The following SLC38A2 variants were observed in gnomAD, a reference collection of about 807,000 sequenced individuals.
SLC38A2 encodes the protein sodium-coupled neutral amino acid symporter 2.
A neutral mutation model predicts 61.5 loss-of-function variants in SLC38A2; 11 were observed. The ratio of observed to expected loss-of-function variants is 0.18; its 90% CI spans 0.11 to 0.30. SLC38A2 has a LOEUF of 0.30. SLC38A2 is among the 10% of genes least tolerant of loss of function. The pLI, the probability that SLC38A2 is intolerant of heterozygous loss-of-function variation, is 1.00. For synonymous variants in SLC38A2, 217 were observed against 212.5 expected (o/e 1.02, Z -0.18); for missense variants, 522 against 600.4 (o/e 0.87, Z 1.36).
rs1490338850 is a variant in SLC38A2, at chr12:46,366,880, T to C, written c.547A>G (p.Ile183Val). The change falls in exon 7 of 16, where the codon ATT becomes GTT. Residue 183 changes from isoleucine (I) to valine (V), a missense_variant. By Grantham distance (29) the Ile-to-Val change is conservative (BLOSUM62 3). This residue lies in a region of SLC38A2 where 111 missense variants were observed against 173.4 expected (regional missense o/e 0.64). Transcript: ENST00000256689. ...AGCACCTACCCAGTTTTATCTTCAA[T>C]GTTCGTTAATGCCTGGATCACCAAA... ...LPLVIQALTN[I>V]EDKTGLWYLN... is the part of the protein sequence containing the mutation. 4 of 1,613,308 alleles carry C rather than the reference T, an allele frequency of 2.5e-6. No individual in the cohort carries two copies. Among genetic ancestry groups the C allele is most frequent in the East Asian group, 2.2e-5 (1 of 44,892 alleles).
chr12:46,366,878 A>G lies in SLC38A2; in HGVS notation c.549T>C (p.Ile183=). The G allele has an allele frequency of 6.2e-7, 1 of 1,613,304 alleles. No individual in the cohort carries two copies. Among genetic ancestry groups the G allele is most frequent in the Non-Finnish European group, 8.5e-7 (1 of 1,179,758 alleles). ...TTAGCACCTACCCAGTTTTATCTTCAATGTTCGTTAATGCCTGGATCACCA... is the reference window on the plus strand; with the variant it reads ...TTAGCACCTACCCAGTTTTATCTTCGATGTTCGTTAATGCCTGGATCACCA... ...LPLVIQALTN[I]EDKTGLWYLN... The change falls in exon 7 of 16, where the codon ATT becomes ATC. Residue 183 remains isoleucine, a synonymous_variant. Coordinates refer to ENST00000256689, the MANE Select transcript of SLC38A2 (RefSeq NM_018976.5).
rs79083614 is a variant in SLC38A2 at position 46,364,946 on chromosome 12, A to C, written c.646+161T>G. On this transcript the variant is annotated intron_variant, in intron 8 of 15. Coordinates refer to ENST00000256689, the MANE Select transcript of SLC38A2 (RefSeq NM_018976.5). ...CTTACAAAGCACAACATATAGTGTC[A>C]ATTAAATATTTTGGCTCCTAAATTT... is the stretch of plus-strand genomic sequence containing the variant. The C allele has an allele frequency of 3.8e-3, 2,780 of 730,958 alleles. 7 individuals are homozygous for C. The highest frequency in any genetic ancestry group is 5.4e-3 in the Non-Finnish European group (2,363 of 435,328). The allele number at this position is 730,958 out of a possible 1,614,324, so 45.3% of individuals were successfully genotyped here.
At chr12:46,364,083 AAACAATCT>A (rs2120537499) in intron 10 of SLC38A2, 80 bp from the exon 11 acceptor site, 2 of 1,238,898 alleles carry the variant, frequency 1.6e-6, no homozygotes, top group South Asian at 3.0e-5. Flanking sequence ...TATTTTATGT[AAACAATCT>A]TAGAATCAAA....
At chr12:46,365,233 CTGA>C in intron 7 of SLC38A2, 44 bp from the exon 8 acceptor site, 1 of 1,466,606 alleles carries the variant, frequency 6.8e-7, no homozygotes, top group Non-Finnish European at 9.6e-7. Flanking sequence ...CAAATATCCT[CTGA>C]AAAATATACA....
chr12:46,367,538 T>C, intron 4 of SLC38A2, 198 bp from the exon 5 acceptor site: 1 of 598,830 alleles, frequency 1.7e-6, no homozygotes, highest in Non-Finnish European at 3.0e-6. Flanking sequence ...ACTTGCATCA[T>C]TTCTCAGGTG....
rs756220938 is a variant in SLC38A2 at position 46,366,907 on chromosome 12, G to A, written c.520C>T (p.Pro174Ser). Residue 174 changes from proline to serine, a missense_variant, in exon 7 of 16, where the codon CCT becomes TCT. Coordinates refer to ENST00000256689, the MANE Select transcript of SLC38A2 (RefSeq NM_018976.5). ...SYLFIVKYEL[P>S]LVIQALTNIE... is the part of the protein sequence containing the mutation. ...TTCGTTAATGCCTGGATCACCAAAG[G>A]CAACTCATATTTCACTATGAAGAGG... 8 of 1,613,878 alleles carry A rather than the reference G, an allele frequency of 5.0e-6. No homozygotes were observed. The highest frequency in any genetic ancestry group is 6.8e-6 in the Non-Finnish European group (8 of 1,179,950).
rs1366921892 is a variant in SLC38A2, at chr12:46,359,620, A to T, written c.*1491T>A. ...TATTAGATTTTAGACATTATGCCTGATGAGCGAAGTACCACATTATTTAAT... is the reference window on the plus strand; with the variant it reads ...TATTAGATTTTAGACATTATGCCTGTTGAGCGAAGTACCACATTATTTAAT... On this transcript the variant is annotated 3_prime_UTR_variant, in exon 16 of 16. Transcript: ENST00000256689. The T allele has an allele frequency of 6.6e-6, 1 of 152,564 alleles. No homozygotes were observed. The highest frequency in any genetic ancestry group is 1.5e-5 in the Non-Finnish European group (1 of 68,028). 9.5% of individuals were successfully genotyped at this position (152,564 alleles called of 1,614,324 possible). A position where few individuals can be genotyped will look rare whatever the true frequency, so the allele number is the denominator to read the frequency against.
chr12:46,367,585 AC>A (rs1565829268), intron 4 of SLC38A2, among the ~76,000 whole-genome samples: 1 of 152,178 alleles, frequency 6.6e-6, no homozygotes. Flanking sequence ...AAGGATGTCT[AC>A]CCACTGAGCC....
In SLC38A2 at chr12:46,363,081, GAGA is replaced by G. The variant is rs758997542; in HGVS notation, c.1116_1118del (p.Leu373del). ...CCATTAACACAGCCAGACGGACAATGAGAAGAAGAATATCAGTTCCCAAGATAG... is the reference window on the plus strand; with the variant it reads ...CCATTAACACAGCCAGACGGACAATGAGAAGAATATCAGTTCCCAAGATAG... On this transcript the variant is annotated inframe_deletion, in exon 13 of 16. Coordinates refer to ENST00000256689, the MANE Select transcript of SLC38A2 (RefSeq NM_018976.5). 2.7e-5 allele frequency: 43 copies of G among 1,613,032 alleles called. No individual in the cohort carries two copies. Among genetic ancestry groups the G allele is most frequent in the Admixed American group, 8.3e-5 (5 of 59,954 alleles).
chr12:46,363,073 C>T lies in SLC38A2; in HGVS notation c.1127G>A (p.Arg376His), dbSNP rs761856975. The change falls in exon 13 of 16, where the codon CGT (arginine) becomes CAT (histidine). Residue 376 changes from arginine (R) to histidine (H), a missense_variant. By Grantham distance (29) the Arg-to-His change is conservative. Coordinates refer to ENST00000256689, the MANE Select transcript of SLC38A2 (RefSeq NM_018976.5). The stretch of plus-strand genomic sequence containing the variant: ...GGTCACAGCCATTAACACAGCCAGA[C>T]GGACAATGAGAAGAAGAATATCAGT... ...LGTDILLLIVRLAVLMAVTLT... is the reference protein window; with the variant it reads ...LGTDILLLIVHLAVLMAVTLT... The T allele has an allele frequency of 4.3e-6, 7 of 1,612,990 alleles. No homozygotes were observed. The highest frequency in any genetic ancestry group is 5.9e-6 in the Non-Finnish European group (7 of 1,179,244).
In SLC38A2 at chr12:46,363,738, G is replaced by A. The variant is rs762508469; in HGVS notation, c.1042C>T (p.Leu348=). ...AGGCGTTACTTACCGTAAAATGTTAGGTATCCAAAGAGGGCGGCAAGCAGA... is the reference window on the plus strand; with the variant it reads ...AGGCGTTACTTACCGTAAAATGTTAAGTATCCAAAGAGGGCGGCAAGCAGA... ...MYLLAALFGY[L]TFYEHVESEL... Residue 348 remains leucine, a synonymous_variant, in exon 12 of 16, where the codon CTA becomes TTA. Transcript: ENST00000256689. 5.7e-6 allele frequency: 9 copies of A among 1,565,710 alleles called. No homozygotes were observed. Among genetic ancestry groups the A allele is most frequent in the Non-Finnish European group, 7.7e-6 (9 of 1,163,814 alleles).
chr12:46,371,062 T>C (rs1943191546), intron 2 of SLC38A2, 116 bp downstream of exon 2: 1 of 969,334 alleles, frequency 1.0e-6, no homozygotes, highest in Non-Finnish European at 1.7e-6. Flanking sequence ...TTTCAGAGAT[T>C]ACGCACCTTC....
In SLC38A2 at chr12:46,364,021, A is replaced by C; in HGVS notation, c.874-18T>G. 1 of 1,581,122 alleles carries C rather than the reference A, an allele frequency of 6.3e-7. No individual in the cohort carries two copies. Among genetic ancestry groups the C allele is most frequent in the Non-Finnish European group, 8.6e-7 (1 of 1,164,202 alleles). On this transcript the variant is annotated intron_variant, in intron 10 of 15. Coordinates refer to ENST00000256689, the MANE Select transcript of SLC38A2 (RefSeq NM_018976.5). ...TAGACAGTCTGAAAGAAAACGTAAA[A>C]ATCTACTTAATCTGATGTAACGAAC...
chr12:46,364,317 C>T, intron 10 of SLC38A2, 72 bp downstream of exon 10: 1 of 1,414,206 alleles, frequency 7.1e-7, no homozygotes, highest in Non-Finnish European at 9.5e-7. Context: ...CCTCCCTTTA[C>T]CCTGGGAGTG....
chr12:46,365,853 A>T (rs7965930), intron 7 of SLC38A2, among the ~76,000 whole-genome samples: 18,879 of 152,136 alleles, frequency 0.12, 1,649 homozygotes, highest in Non-Finnish European at 0.19. Context: ...ATATCCTCTA[A>T]GCCTTTTTCT....
At position 46,370,739 on chromosome 12, in the gene SLC38A2, A is replaced by G. The variant is rs1211277286; in HGVS notation, c.198+37T>C. The G allele has an allele frequency of 3.2e-6, 5 of 1,562,188 alleles. No individual in the cohort carries two copies. In the African/African-American group the frequency reaches 5.4e-5, roughly 17 times the overall value. On this transcript the variant is annotated intron_variant, in intron 3 of 15. Coordinates refer to ENST00000256689, the MANE Select transcript of SLC38A2 (RefSeq NM_018976.5). ...AAGTAAAACTATTCTTTTACTCCATAAAGCCACTGACAGACAAATTACTAT... is the reference window on the plus strand; with the variant it reads ...AAGTAAAACTATTCTTTTACTCCATGAAGCCACTGACAGACAAATTACTAT...
At chr12:46,363,876 G>C in intron 11 of SLC38A2, 48 bp downstream of exon 11, 1 of 1,591,732 alleles carries the variant, frequency 6.3e-7, no homozygotes, top group Non-Finnish European at 8.6e-7. Context: ...AGCAGTTACA[G>C]CAATTGTCTA....
intron 8 of SLC38A2, 30 bp downstream of exon 8, chr12:46,365,077 T>C (rs202026837): frequency 1.3e-5 from 20 of 1,583,136 alleles, no homozygotes; most frequent in Admixed American, 3.4e-5. Context: ...GAGGCTCATT[T>C]CAATTCTCTT....
At chr12:46,367,433 C>T in intron 4 of SLC38A2, 93 bp from the exon 5 acceptor site, 2 of 755,240 alleles carry the variant, frequency 2.6e-6, no homozygotes, top group Non-Finnish European at 4.6e-6. Flanking sequence ...ATTATGTGTG[C>T]AACTTGTCCT....
Sources: gnomAD v4.1 joint callset for allele counts (sites outside exome capture counted in the v4.1 genomes callset) on GRCh38, gnomAD v4.1.1 for gene constraint, gnomAD v4.1.1 regional missense constraint, MANE v1.5 for transcripts, NCBI Gene and HGNC (gene_info 2026-07-23, HGNC 2026-07-21) for gene names.